ABTB3: variants seen among roughly 807,000 people sequenced by gnomAD.
The protein encoded by ABTB3 is ankyrin repeat and BTB domain containing 3.
chr12:107,376,399 G>T, the ABTB3 span, among the ~76,000 whole-genome samples: 1 of 152,154 alleles, frequency 6.6e-6, no homozygotes, highest in African/African-American at 2.4e-5. Flanking sequence ...CATTTATGCT[G>T]CAAACTCCTT....
At chr12:107,523,312 A>G in the ABTB3 span, among the ~76,000 whole-genome samples, 3 of 152,304 alleles carry the variant, frequency 2.0e-5, no homozygotes, top group Admixed American at 2.0e-4. Context: ...TTGCGCTTCC[A>G]TTCCCTTCAA....
At chr12:107,601,449 A>G in the ABTB3 span, among the ~76,000 whole-genome samples, 46 of 72,026 alleles carry the variant, frequency 6.4e-4, no homozygotes, top group African/African-American at 5.2e-3. Context: ...TAAAGGGTGT[A>G]GTGTTTCTAT....
At chr12:107,592,773 C>T in the ABTB3 span, among the ~76,000 whole-genome samples, 1 of 152,140 alleles carries the variant, frequency 6.6e-6, no homozygotes, top group Non-Finnish European at 1.5e-5. Flanking sequence ...AGAGGGTACT[C>T]AGAAAGGTAG....
chr12:107,568,521 G>A, the ABTB3 span, among the ~76,000 whole-genome samples: 1 of 152,068 alleles, frequency 6.6e-6, no homozygotes, highest in Admixed American at 6.6e-5. Context: ...TAACACATGT[G>A]GCTATTTAAA....
the ABTB3 span, among the ~76,000 whole-genome samples, chr12:107,474,044 A>C: frequency 1.3e-5 from 2 of 152,196 alleles, no homozygotes; most frequent in Admixed American, 6.5e-5. Flanking sequence ...TTGGCCTCCC[A>C]AAGTGCTGGG....
At chr12:107,553,691 C>A in the ABTB3 span, among the ~76,000 whole-genome samples, 213 of 152,286 alleles carry the variant, frequency 1.4e-3, no homozygotes, top group Non-Finnish European at 2.4e-3. Context: ...GTAATCCCAG[C>A]ATTTTGGGAG....
chr12:107,518,230 A>G, the ABTB3 span, among the ~76,000 whole-genome samples: 2 of 152,182 alleles, frequency 1.3e-5, no homozygotes, highest in African/African-American at 4.8e-5. Flanking sequence ...AGAACTAGAA[A>G]TACCATTTGA....
chr12:107,531,182 G>C, the ABTB3 span, among the ~76,000 whole-genome samples: 1 of 152,154 alleles, frequency 6.6e-6, no homozygotes, highest in East Asian at 1.9e-4. Context: ...AGCATGTTTA[G>C]CAGTATCTCT....
chr12:107,426,180 C>T, the ABTB3 span, among the ~76,000 whole-genome samples: 3 of 152,186 alleles, frequency 2.0e-5, no homozygotes, highest in East Asian at 3.9e-4. Flanking sequence ...ACAGCGGTGC[C>T]GTGTCCCTCT....
the ABTB3 span, among the ~76,000 whole-genome samples, chr12:107,345,552 G>A: frequency 6.6e-6 from 1 of 152,196 alleles, no homozygotes; most frequent in Admixed American, 6.5e-5. Context: ...GGACAGGGTT[G>A]GCATCAGGGG....
chr12:107,607,552 C>T, the ABTB3 span, among the ~76,000 whole-genome samples: 1 of 152,160 alleles, frequency 6.6e-6, no homozygotes, highest in East Asian at 1.9e-4. Flanking sequence ...TTTATTGTCC[C>T]TCCCAGGGCT....
the ABTB3 span, among the ~76,000 whole-genome samples, chr12:107,608,148 C>T: frequency 5.3e-5 from 8 of 152,292 alleles, no homozygotes; most frequent in Middle Eastern, 3.4e-3. Flanking sequence ...ATATCTGAGG[C>T]GGACAGGCAC....
chr12:107,508,053 TG>T, the ABTB3 span, among the ~76,000 whole-genome samples: 1 of 149,692 alleles, frequency 6.7e-6, no homozygotes, highest in Non-Finnish European at 1.5e-5. Flanking sequence ...AGTAGATTGA[TG>T]GAAGGGTAGA....
chr12:107,469,145 C>T, the ABTB3 span, among the ~76,000 whole-genome samples: 3 of 152,178 alleles, frequency 2.0e-5, no homozygotes, highest in Non-Finnish European at 2.9e-5. Context: ...GTGACTCACC[C>T]CACTCCGGCC....
chr12:107,384,065 C>A, the ABTB3 span, among the ~76,000 whole-genome samples: 1 of 152,194 alleles, frequency 6.6e-6, no homozygotes, highest in African/African-American at 2.4e-5. Flanking sequence ...CACACACCTG[C>A]AGTCTCTATG....
the ABTB3 span, among the ~76,000 whole-genome samples, chr12:107,349,269 C>T: frequency 6.6e-6 from 1 of 152,188 alleles, no homozygotes; most frequent in Non-Finnish European, 1.5e-5. Flanking sequence ...CTGGCCTCAT[C>T]TATAACATCA....
the ABTB3 span, among the ~76,000 whole-genome samples, chr12:107,403,735 C>T: frequency 6.6e-6 from 1 of 152,132 alleles, no homozygotes; most frequent in Non-Finnish European, 1.5e-5. Context: ...GTCGCAGATC[C>T]CAGAGGGCAG....
chr12:107,574,929 A>G, the ABTB3 span, among the ~76,000 whole-genome samples: 41 of 152,342 alleles, frequency 2.7e-4, no homozygotes, highest in African/African-American at 8.4e-4. Context: ...CTTGCACAGT[A>G]GGGCTGTCAC....
At chr12:107,542,299 G>A in the ABTB3 span, among the ~76,000 whole-genome samples, 12 of 82,200 alleles carry the variant, frequency 1.5e-4, no homozygotes, top group Admixed American at 1.4e-3. Context: ...GCAACAGAGC[G>A]AAACTCTGTC....
Sources: allele counts gnomAD v4.1 joint callset (sites outside exome capture counted in the v4.1 genomes callset), GRCh38; gene constraint gnomAD v4.1.1; transcripts MANE v1.5; gene names NCBI Gene and HGNC (gene_info 2026-07-23, HGNC 2026-07-21).